SRBD1: variants seen among roughly 807,000 people sequenced by gnomAD.
SRBD1 encodes S1 RNA-binding domain-containing protein 1.
In SRBD1, 88 loss-of-function variants were observed where a neutral mutation model predicts 115.3. The ratio of observed to expected loss-of-function variants is 0.76; its 90% CI spans 0.64 to 0.91. The LOEUF (loss-of-function observed/expected upper bound fraction) is 0.91. Ranked by LOEUF, SRBD1 falls within the 40% of genes least tolerant of loss-of-function variation. The probability of loss-of-function intolerance (pLI) is 0.00; values close to 1 mark genes in which losing one functional copy is unlikely to be tolerated. For missense variants in SRBD1, 1,385 were observed against 1,177.4 expected, an observed-to-expected ratio of 1.18 and a Z score of -2.58; for synonymous variants, 509 against 407.7, an observed-to-expected ratio of 1.25 and a Z score of -2.99.
chr2:45,397,552 G>A (rs981612920), intron 19 of SRBD1, among the ~76,000 whole-genome samples: 2 of 152,204 alleles, frequency 1.3e-5, no homozygotes, highest in Admixed American at 6.5e-5. Flanking sequence ...TGTTCTAGCA[G>A]TCAAATCAAA....
At chr2:45,538,257 G>C (rs1456534976) in intron 14 of SRBD1, among the ~76,000 whole-genome samples, 1 of 152,030 alleles carries the variant, frequency 6.6e-6, no homozygotes, top group Non-Finnish European at 1.5e-5. Flanking sequence ...ATTGTATTTG[G>C]GCCACCCAGA....
At chr2:45,440,340 G>C (rs1291526401) in intron 16 of SRBD1, among the ~76,000 whole-genome samples, 2 of 152,132 alleles carry the variant, frequency 1.3e-5, no homozygotes, top group African/African-American at 2.4e-5. Flanking sequence ...GTCCCCTAGT[G>C]GATACAGGTC....
At chr2:45,554,292 C>A (rs1672402112) in intron 10 of SRBD1, among the ~76,000 whole-genome samples, 1 of 152,196 alleles carries the variant, frequency 6.6e-6, no homozygotes, top group South Asian at 2.1e-4. Flanking sequence ...GAAAATGAAT[C>A]AGCTGGCATT....
intron 8 of SRBD1, 123 bp from the exon 9 acceptor site, chr2:45,573,465 G>T: frequency 8.9e-7 from 1 of 1,125,072 alleles, no homozygotes; most frequent in Non-Finnish European, 1.2e-6. Context: ...TTTTAATGAT[G>T]CCCAGCTATG....
In SRBD1 at chr2:45,475,862, C is replaced by T. The variant is rs144925726; in HGVS notation, c.2049+1131G>A. Among the ~76,000 whole-genome samples the T allele has an allele frequency of 5.1e-3, 777 of 152,276 alleles. 5 individuals are homozygous for T. Among genetic ancestry groups the T allele is most frequent in the African/African-American group, 0.017 (724 of 41,552 alleles). The stretch of plus-strand genomic sequence containing the variant: ...TACAGGTGCGCGCCACCATACCCGG[C>T]TAATTTTTGTATTCTTAGTAGAGAC... On this transcript the variant is annotated intron_variant, in intron 16 of 20. Coordinates refer to ENST00000263736, the MANE Select transcript of SRBD1 (RefSeq NM_018079.5).
chr2:45,442,025 T>C (rs1668684116), intron 16 of SRBD1, among the ~76,000 whole-genome samples: 1 of 152,190 alleles, frequency 6.6e-6, no homozygotes, highest in Non-Finnish European at 1.5e-5. Flanking sequence ...TAAGTCTTTC[T>C]TTTCCTGGGA....
Position 45,391,850 on chromosome 2 carries a change from G to C in SRBD1, c.2698+1095C>G, listed in dbSNP as rs560434409. On this transcript the variant is annotated intron_variant, in intron 20 of 20. Transcript: ENST00000263736. The stretch of plus-strand genomic sequence containing the variant: ...AGATGGATGTGAAAAATCCAGTACA[G>C]GATACCTGCAGTTACAGCATTTTTT... Among the ~76,000 whole-genome samples, 7 of 152,264 alleles carry C rather than the reference G, an allele frequency of 4.6e-5. No homozygotes were observed. The South Asian group carries it at 1.4e-3, about 32-fold the overall frequency.
chr2:45,549,026 G>A (rs1189278507), intron 12 of SRBD1: 2 of 152,150 alleles, frequency 1.3e-5, no homozygotes, highest in Admixed American at 6.5e-5. Flanking sequence ...TTGAGAACAG[G>A]AGCTGAAACT....
intron 11 of SRBD1, 46 bp from the exon 12 acceptor site, chr2:45,551,328 T>G: frequency 6.4e-7 from 1 of 1,554,804 alleles, no homozygotes; most frequent in Non-Finnish European, 8.6e-7. Flanking sequence ...CACCCAAATT[T>G]TCTTTCCAGA....
chr2:45,508,183 GAAGA>G, intron 14 of SRBD1, among the ~76,000 whole-genome samples: 2 of 151,956 alleles, frequency 1.3e-5, no homozygotes, highest in Non-Finnish European at 2.9e-5. Flanking sequence ...ACACAAATTA[GAAGA>G]AAGCTAAAGC....
At chr2:45,597,187 G>C (rs1240612283) in intron 4 of SRBD1, among the ~76,000 whole-genome samples, 1 of 152,128 alleles carries the variant, frequency 6.6e-6, no homozygotes, top group East Asian at 1.9e-4. Context: ...TTGGGAGAAA[G>C]AGGTGGGCGG....
intron 16 of SRBD1, among the ~76,000 whole-genome samples, chr2:45,454,594 G>C (rs754060714): frequency 6.6e-6 from 1 of 151,696 alleles, no homozygotes; most frequent in Non-Finnish European, 1.5e-5. Context: ...CCACACTTTA[G>C]GGAGCAATTT....
chr2:45,509,598 A>AACACACACACACACACAC (rs1179307941), intron 14 of SRBD1, among the ~76,000 whole-genome samples: 6 of 125,524 alleles, frequency 4.8e-5, no homozygotes, highest in Middle Eastern at 4.1e-3. Flanking sequence ...TCCGTCTCAA[A>AACACACACACACACACAC]ACACACACAC....
intron 4 of SRBD1, among the ~76,000 whole-genome samples, chr2:45,588,791 A>T (rs1205670994): frequency 6.6e-6 from 1 of 152,230 alleles, no homozygotes; most frequent in African/African-American, 2.4e-5. Flanking sequence ...AGTTGTAGCC[A>T]TTTTATTGTT....
intron 10 of SRBD1, 88 bp downstream of exon 10, chr2:45,562,565 G>C: frequency 9.8e-7 from 1 of 1,022,012 alleles, no homozygotes. Context: ...TCACGTAATA[G>C]ACATCTTTAC....
At chr2:45,486,459 G>A (rs1347765240) in intron 15 of SRBD1, among the ~76,000 whole-genome samples, 1 of 152,124 alleles carries the variant, frequency 6.6e-6, no homozygotes, top group East Asian at 1.9e-4. Context: ...TGGGTGCGGT[G>A]GCTCACGCCT....
intron 14 of SRBD1, among the ~76,000 whole-genome samples, chr2:45,500,510 C>A (rs1670598583): frequency 6.6e-6 from 1 of 151,964 alleles, no homozygotes; most frequent in African/African-American, 2.4e-5. Flanking sequence ...ACAACCTCCA[C>A]CTCCCACACT....
At chr2:45,508,754 T>A (rs952215114) in intron 14 of SRBD1, among the ~76,000 whole-genome samples, 1 of 152,202 alleles carries the variant, frequency 6.6e-6, no homozygotes, top group African/African-American at 2.4e-5. Flanking sequence ...AATAGAATAG[T>A]GATATTTCTT....
intron 4 of SRBD1, among the ~76,000 whole-genome samples, chr2:45,595,478 A>G (rs1007622425): frequency 1.3e-5 from 2 of 152,190 alleles, no homozygotes; most frequent in Non-Finnish European, 2.9e-5. Flanking sequence ...GTGGCAGATA[A>G]TATGCATGTT....
Sources: gnomAD v4.1 joint callset for allele counts (sites outside exome capture counted in the v4.1 genomes callset) on GRCh38, gnomAD v4.1.1 for gene constraint, MANE v1.5 for transcripts, NCBI Gene and HGNC (gene_info 2026-07-23, HGNC 2026-07-21) for gene names.